The following MEN1 variants were observed in gnomAD, a reference collection of about 807,000 sequenced individuals.
The protein encoded by MEN1 is menin 1.
Under a neutral mutation model 58.0 loss-of-function variants are expected in MEN1, and 6 were observed. The observed-to-expected ratio is 0.10, with a 90% confidence interval of 0.06 to 0.20. MEN1 has a LOEUF of 0.20. MEN1 is among the 10% of genes least tolerant of loss of function. The pLI, the probability that MEN1 is intolerant of heterozygous loss-of-function variation, is 1.00. For missense variants in MEN1, 492 were observed against 818.5 expected (o/e 0.60, Z 4.87); for synonymous variants, 346 against 350.7 (o/e 0.99, Z 0.15).
In MEN1 at chr11:64,809,719, G is replaced by T. The variant is rs2136180282; in HGVS notation, c.391C>A (p.Arg131Ser). 6.2e-7 allele frequency: 1 copy of T among 1,614,192 alleles called. No homozygotes were observed. Among genetic ancestry groups the T allele is most frequent in the Non-Finnish European group, 8.5e-7 (1 of 1,180,040 alleles). ...TGGGCCCGATCCTTGAAGTAGGAGC[G>T]GCTGAGGCTGTTCCATATGACATCG... ...VSDVIWNSLS[R>S]SYFKDRAHIQ... The change falls in exon 2 of 10, where the codon CGC becomes AGC. Residue 131 changes from arginine to serine, a missense_variant. Arg to Ser is a moderately radical substitution (Grantham distance 110, BLOSUM62 -1). Around this residue, in one of 5 missense-constraint regions of MEN1, gnomAD observed 335 missense variants for 550.3 expected, o/e 0.61. Coordinates refer to ENST00000450708, the MANE Select transcript of MEN1 (RefSeq NM_001370259.2).
rs145687185 is a variant in MEN1 at position 64,809,489 on chromosome 11, G to A, written c.445+176C>T. Reference sequence around the variant, plus strand: ...GCTTCACTTCCAGCCCTGCCATGCCGTGTGTGACTTTGGCATATCATTTCC... The same window carrying A: ...GCTTCACTTCCAGCCCTGCCATGCCATGTGTGACTTTGGCATATCATTTCC... On this transcript the variant is annotated intron_variant, in intron 2 of 9. Transcript: ENST00000450708. Among the ~76,000 whole-genome samples the A allele has an allele frequency of 4.1e-4, 62 of 152,190 alleles. 2 individuals are homozygous for A. The East Asian group carries it at 8.7e-3, about 21-fold the overall frequency.
chr11:64,810,358 GGGT>G, intron 1 of MEN1, 153 bp downstream of exon 1: 1 of 563,514 alleles, frequency 1.8e-6, no homozygotes. Flanking sequence ...GTACCCGATG[GGGT>G]GCGCCCCAAG....
rs1592647235 is a variant in MEN1, at chr11:64,807,180, T to C, written c.823A>G (p.Arg275Gly). The C allele has an allele frequency of 6.2e-7, 1 of 1,613,986 alleles. No homozygotes were observed. The highest frequency in any genetic ancestry group is 8.5e-7 in the Non-Finnish European group (1 of 1,179,968). The part of the protein sequence containing the change: ...WLLYDLGHLE[R>G]YPMALGNLAD... Reference sequence around the variant, plus strand: ...GCCTGGCCACTTCCCTCTACTGACCTTTCCAGATGTCCCAGGTCATAGAGC... The same window carrying C: ...GCCTGGCCACTTCCCTCTACTGACCCTTCCAGATGTCCCAGGTCATAGAGC... Residue 275 changes from arginine (R) to glycine (G), a missense_variant and splice_region_variant, in exon 5 of 10, where the codon AGG (arginine) becomes GGG (glycine). Transcript: ENST00000450708. The surrounding 1 kb of genome is among the most constrained non-coding windows in gnomAD (Gnocchi z 4.9).
At chr11:64,808,597 A>G (rs886892611) in intron 2 of MEN1, among the ~76,000 whole-genome samples, 1 of 152,172 alleles carries the variant, frequency 6.6e-6, no homozygotes, top group African/African-American at 2.4e-5. Flanking sequence ...CTTGGTGCAA[A>G]GCTCTTTGCA....
intron 8 of MEN1, 29 bp downstream of exon 8, chr11:64,805,606 G>A (rs1941658588): frequency 1.9e-6 from 3 of 1,612,322 alleles, no homozygotes; most frequent in Non-Finnish European, 1.7e-6. Flanking sequence ...GTGGGAGGCT[G>A]GACACAGGCT....
At chr11:64,806,415 G>T in intron 6 of MEN1, 47 bp from the exon 7 acceptor site, 2 of 1,612,960 alleles carry the variant, frequency 1.2e-6, no homozygotes, top group Non-Finnish European at 1.7e-6. Flanking sequence ...AGCCCCAGCT[G>T]CCCTGCTGGC....
chr11:64,804,549 G>T lies in MEN1; in HGVS notation c.1618C>A (p.Pro540Thr), dbSNP rs745404679. 1.9e-6 allele frequency: 3 copies of T among 1,613,574 alleles called. No individual in the cohort carries two copies. The highest frequency in any genetic ancestry group is 1.7e-5 in the Admixed American group (1 of 60,028). The change falls in exon 10 of 10, where the codon CCC (proline) becomes ACC (threonine). Residue 540 changes from proline (P) to threonine (T), a missense_variant. Pro to Thr is a conservative substitution (Grantham distance 38). Around this residue, in one of 5 missense-constraint regions of MEN1, gnomAD observed 79 missense variants for 82.5 expected, o/e 0.96. Coordinates refer to ENST00000450708, the MANE Select transcript of MEN1 (RefSeq NM_001370259.2). This position sits in a 1 kb window ranked among gnomAD's most constrained non-coding sequence, Gnocchi z 4.2. The stretch of plus-strand genomic sequence containing the variant: ...CCCTCCGGCGGTGGTGATGCTGTGG[G>T]TGCTGGCACCTGAGCCGTGCTGCCA... ...EGGSTAQVPA[P>T]TASPPPEGPV...
rs794727882 is a variant in MEN1 at position 64,806,299 on chromosome 11, G to A, written c.982C>T (p.His328Tyr). ...IYPYMYLAGY[H>Y]CRNRNVREAL... is the part of the protein sequence containing the mutation. Reference sequence around the variant, plus strand: ...TCCCGCACATTGCGGTTGCGACAGTGGTAGCCAGCCAGGTACATGTAGGGG... The same window carrying A: ...TCCCGCACATTGCGGTTGCGACAGTAGTAGCCAGCCAGGTACATGTAGGGG... Residue 328 changes from histidine (H) to tyrosine (Y), a missense_variant, in exon 7 of 10, where the codon CAC becomes TAC. Transcript: ENST00000450708. The A allele has an allele frequency of 1.2e-6, 2 of 1,614,210 alleles. No individual in the cohort carries two copies. The highest frequency in any genetic ancestry group is 1.1e-5 in the South Asian group (1 of 91,090).
chr11:64,806,705 A>AC (rs1189875333), intron 6 of MEN1, among the ~76,000 whole-genome samples: 2 of 34,854 alleles, frequency 5.7e-5, no homozygotes, highest in African/African-American at 8.3e-5. Context: ...CCAAGTGAAC[A>AC]CCCCCTCTTC....
Position 64,804,305 on chromosome 11 carries a change from C to T in MEN1, c.*29G>A. The stretch of plus-strand genomic sequence containing the variant: ...GGGGACTAAGGGCGGAGCCTGGGTC[C>T]CCACAAGCGGTCCGAAGTCCCCAGT... On this transcript the variant is annotated 3_prime_UTR_variant, in exon 10 of 10. Coordinates refer to ENST00000450708, the MANE Select transcript of MEN1 (RefSeq NM_001370259.2). This position sits in a 1 kb window ranked among gnomAD's most constrained non-coding sequence, Gnocchi z 4.2. 1.2e-6 allele frequency: 2 copies of T among 1,614,084 alleles called. No homozygotes were observed. Among genetic ancestry groups the T allele is most frequent in the Non-Finnish European group, 8.5e-7 (1 of 1,180,012 alleles).
intron 1 of MEN1, 133 bp downstream of exon 1, chr11:64,810,381 G>A (rs982271805): frequency 2.5e-5 from 13 of 527,208 alleles, no homozygotes; most frequent in African/African-American, 5.7e-5. Context: ...GCACCCCAAT[G>A]AGGAGCCCCA....
chr11:64,806,425 C>T lies in MEN1; in HGVS notation c.913-57G>A, dbSNP rs964327447. 6.8e-6 allele frequency: 11 copies of T among 1,606,930 alleles called. No individual in the cohort carries two copies. In the African/African-American group the frequency reaches 1.1e-4, roughly 16 times the overall value. On this transcript the variant is annotated intron_variant, in intron 6 of 9. Transcript: ENST00000450708. Reference sequence around the variant, plus strand: ...GAGGCAGCCCCAGCTGCCCTGCTGGCACAAATGCCCCACCAGGGCACACCC... The same window carrying T: ...GAGGCAGCCCCAGCTGCCCTGCTGGTACAAATGCCCCACCAGGGCACACCC...
At chr11:64,811,192 G>T (rs535628527), upstream of MEN1, 1 of 151,616 alleles carries the variant, frequency 6.6e-6, no homozygotes, top group East Asian at 1.9e-4. Context: ...GACTTCACGG[G>T]CTCAAGCGAT....
chr11:64,808,312 T>C (rs1371198455), intron 2 of MEN1, among the ~76,000 whole-genome samples: 2 of 152,172 alleles, frequency 1.3e-5, no homozygotes, highest in Non-Finnish European at 2.9e-5. Context: ...AAGATACCTT[T>C]CTGGATATCC....
intron 2 of MEN1, among the ~76,000 whole-genome samples, chr11:64,809,429 G>T (rs1273510947): frequency 1.3e-5 from 2 of 152,160 alleles, no homozygotes; most frequent in African/African-American, 2.4e-5. Flanking sequence ...TGAGGGGGCA[G>T]AGGTGAGGTT....
intron 2 of MEN1, 164 bp downstream of exon 2, chr11:64,809,501 G>T: frequency 1.2e-6 from 1 of 854,392 alleles, no homozygotes; most frequent in Non-Finnish European, 1.8e-6. Context: ...GTGTGACTTT[G>T]GCATATCATT....
rs766998106 is a variant in MEN1, at chr11:64,807,124, G to A, written c.825-26C>T. On this transcript the variant is annotated intron_variant, in intron 5 of 9. Transcript: ENST00000450708. The surrounding 1 kb of genome is among the most constrained non-coding windows in gnomAD (Gnocchi z 4.9). The stretch of plus-strand genomic sequence containing the variant: ...CTAGGAAAGGATCATAATTCAGGCT[G>A]CCACCCAGCCCCCCGGCCTCACCAG... The A allele has an allele frequency of 6.2e-7, 1 of 1,613,964 alleles. No homozygotes were observed. The highest frequency in any genetic ancestry group is 1.7e-5 in the Admixed American group (1 of 59,992).
rs386134260 is a variant in MEN1, at chr11:64,806,345, G to A, written c.936C>T (p.Tyr312=). ...AGGGGTAGATGTGTTCATCCCGATA[G>A]TAGGTCTTGGCTGAGGCAATGCCCT... is the stretch of plus-strand genomic sequence containing the variant. ...YHKGIASAKT[Y]YRDEHIYPYM... is the part of the protein sequence containing the mutation. The change falls in exon 7 of 10, where the codon TAC becomes TAT. Residue 312 remains tyrosine (Y), a synonymous_variant. Transcript: ENST00000450708. 11 of 1,614,216 alleles carry A rather than the reference G, an allele frequency of 6.8e-6. No homozygotes were observed. The highest frequency in any genetic ancestry group is 9.3e-6 in the Non-Finnish European group (11 of 1,180,014).
At chr11:64,806,920 C>T (rs544615580) in intron 6 of MEN1, 91 bp downstream of exon 6, 21 of 1,175,560 alleles carry the variant, frequency 1.8e-5, no homozygotes, top group South Asian at 2.5e-5. Flanking sequence ...CCCCCCAACA[C>T]ACAAAGTTCT....
Sources: gnomAD v4.1 joint callset for allele counts (sites outside exome capture counted in the v4.1 genomes callset) on GRCh38, gnomAD v4.1.1 for gene constraint, gnomAD v4.1.1 regional missense constraint, Gnocchi (gnomAD v3.1) non-coding constraint, MANE v1.5 for transcripts, NCBI Gene and HGNC (gene_info 2026-07-23, HGNC 2026-07-21) for gene names.